PAPPA: variants seen among roughly 807,000 people sequenced by gnomAD.
PAPPA encodes pappalysin-1.
PAPPA carries 60 observed loss-of-function variants against 164.0 expected under a neutral mutation model. The ratio of observed to expected loss-of-function variants is 0.37; its 90% confidence interval spans 0.30 to 0.45. The LOEUF is 0.45. Ranked by LOEUF, PAPPA falls within the 20% of genes least tolerant of loss-of-function variation. The pLI, the probability that PAPPA is intolerant of heterozygous loss-of-function variation, is 1.00. For missense variants in PAPPA, 1,782 were observed against 2,087.3 expected (o/e 0.85, Z 2.85); for synonymous variants, 875 against 814.1 (o/e 1.07, Z -1.27).
intron 4 of PAPPA, among the ~76,000 whole-genome samples, chr9:116,212,693 C>G (rs961649000): frequency 6.6e-6 from 1 of 151,944 alleles, no homozygotes; most frequent in Non-Finnish European, 1.5e-5. Flanking sequence ...GCACAGGGGC[C>G]AGTGCTTAAT....
At chr9:116,203,716 G>C (rs763717047) in intron 2 of PAPPA, among the ~76,000 whole-genome samples, 2 of 152,196 alleles carry the variant, frequency 1.3e-5, no homozygotes, top group Non-Finnish European at 2.9e-5. Context: ...TGATGCCCCT[G>C]ACAGGTGGTC....
intron 6 of PAPPA, among the ~76,000 whole-genome samples, chr9:116,233,820 T>C (rs1193230616): frequency 6.6e-6 from 1 of 152,164 alleles, no homozygotes; most frequent in Non-Finnish European, 1.5e-5. Flanking sequence ...AAAGATCTTT[T>C]TTTTTTCTTA....
intron 10 of PAPPA, chr9:116,316,377 G>A (rs982039851): frequency 2.0e-5 from 3 of 152,244 alleles, no homozygotes; most frequent in African/African-American, 7.2e-5. Flanking sequence ...GAAGTGGCAG[G>A]TGCAGGGGTT....
intron 2 of PAPPA, among the ~76,000 whole-genome samples, chr9:116,205,005 C>T (rs1844215415): frequency 6.6e-6 from 1 of 151,722 alleles, no homozygotes; most frequent in African/African-American, 2.4e-5. Context: ...CAGCCTGGCT[C>T]TGTATTAGTG....
intron 15 of PAPPA, among the ~76,000 whole-genome samples, chr9:116,349,645 C>G (rs1425438967): frequency 6.6e-6 from 1 of 152,194 alleles, no homozygotes; most frequent in Admixed American, 6.5e-5. Flanking sequence ...GACACTGCTA[C>G]AAGTTGACAA....
intron 13 of PAPPA, among the ~76,000 whole-genome samples, chr9:116,337,319 T>G (rs1846073925): frequency 6.6e-6 from 1 of 151,978 alleles, no homozygotes; most frequent in Admixed American, 6.6e-5. Context: ...AGTGCCCCAG[T>G]GGGGAAAGGA....
In PAPPA at chr9:116,213,286, T is replaced by C. The variant is rs74889321; in HGVS notation, c.1918+1354T>C. Among the ~76,000 whole-genome samples the C allele has an allele frequency of 9.2e-3, 1,402 of 152,300 alleles. 9 individuals are homozygous for C. The highest frequency in any genetic ancestry group is 0.014 in the Admixed American group (212 of 15,300). On this transcript the variant is annotated intron_variant, in intron 4 of 21. Transcript: ENST00000328252. Reference sequence around the variant, plus strand: ...AAAGGTTTCTGTGATCCCCAGTGGTTCTTTCTGCTTGTCCATTTGGGCTGA... The same window carrying C: ...AAAGGTTTCTGTGATCCCCAGTGGTCCTTTCTGCTTGTCCATTTGGGCTGA...
intron 1 of PAPPA, among the ~76,000 whole-genome samples, chr9:116,165,366 C>G (rs1843709361): frequency 6.6e-6 from 1 of 152,184 alleles, no homozygotes; most frequent in Non-Finnish European, 1.5e-5. Context: ...CATCTTTCCT[C>G]CAAAATTCCT....
At chr9:116,194,518 A>T (rs916577298) in intron 2 of PAPPA, among the ~76,000 whole-genome samples, 1 of 152,222 alleles carries the variant, frequency 6.6e-6, no homozygotes, top group African/African-American at 2.4e-5. Context: ...GGTCTGGTGT[A>T]GTGGAAAAAT....
chr9:116,304,324 A>G (rs1007005262), intron 10 of PAPPA, among the ~76,000 whole-genome samples: 6 of 152,236 alleles, frequency 3.9e-5, no homozygotes, highest in Non-Finnish European at 8.8e-5. Flanking sequence ...ACACATACAC[A>G]TACATACATC....
At chr9:116,297,212 G>C (rs1238281526) in intron 9 of PAPPA, among the ~76,000 whole-genome samples, 1 of 152,146 alleles carries the variant, frequency 6.6e-6, no homozygotes, top group Non-Finnish European at 1.5e-5. Flanking sequence ...GGTAAGATTT[G>C]TATGTCAGGT....
intron 10 of PAPPA, among the ~76,000 whole-genome samples, chr9:116,304,054 G>A (rs553780768): frequency 3.9e-5 from 6 of 152,306 alleles, no homozygotes; most frequent in African/African-American, 9.6e-5. Flanking sequence ...CTGAATGAAT[G>A]AATGAATGAA....
chr9:116,221,188 C>T (rs1422638183), intron 5 of PAPPA, among the ~76,000 whole-genome samples: 8 of 152,016 alleles, frequency 5.3e-5, no homozygotes, highest in Non-Finnish European at 7.4e-5. Context: ...GTGATCTTTC[C>T]CCCATATAAA....
chr9:116,250,327 C>T (rs546406919), intron 7 of PAPPA, among the ~76,000 whole-genome samples: 23 of 152,218 alleles, frequency 1.5e-4, no homozygotes, highest in African/African-American at 5.5e-4. Context: ...TTCTTGTTGT[C>T]AGAGTGGGAA....
chr9:116,224,394 C>T (rs1470910116), intron 5 of PAPPA, among the ~76,000 whole-genome samples: 1 of 152,234 alleles, frequency 6.6e-6, no homozygotes, highest in African/African-American at 2.4e-5. Context: ...CATCCATTCC[C>T]TCTGCCTTTG....
chr9:116,155,340 C>A (rs1417393971), intron 1 of PAPPA, among the ~76,000 whole-genome samples: 4 of 152,230 alleles, frequency 2.6e-5, no homozygotes, highest in African/African-American at 4.8e-5. Flanking sequence ...CTCTCCCCTT[C>A]GCTGTTCCAC....
chr9:116,230,675 C>A (rs1007644658), intron 6 of PAPPA, among the ~76,000 whole-genome samples: 1 of 152,168 alleles, frequency 6.6e-6, no homozygotes, highest in Non-Finnish European at 1.5e-5. Context: ...TCATTAGCTT[C>A]ATTTCTAAGA....
rs537985603 is a variant in PAPPA at position 116,295,899 on chromosome 9, C to G, written c.2954-6858C>G. ...TAACGTATTTCCAGCACCAGCACAA[C>G]AAGAAGCAGATGTTAGTATATTGAT... On this transcript the variant is annotated intron_variant, in intron 9 of 21. Transcript: ENST00000328252. 3.1e-4 allele frequency among the ~76,000 whole-genome samples: 47 copies of G among 152,330 alleles called. No individual in the cohort carries two copies. The East Asian group carries it at 6.6e-3, about 21-fold the overall frequency.
chr9:116,187,376 A>C lies in PAPPA; in HGVS notation c.638A>C (p.Asn213Thr). 6.2e-7 allele frequency: 1 copy of C among 1,614,110 alleles called. No individual in the cohort carries two copies. Among genetic ancestry groups the C allele is most frequent in the Non-Finnish European group, 8.5e-7 (1 of 1,180,014 alleles). Residue 213 changes from asparagine (N) to threonine (T), a missense_variant, in exon 2 of 22, where the codon AAT becomes ACT. Around this residue, in one of 2 missense-constraint regions of PAPPA, gnomAD observed 458 missense variants for 430.3 expected, o/e 1.06. Transcript: ENST00000328252. This position sits in a 1 kb window ranked among gnomAD's most constrained non-coding sequence, Gnocchi z 4.2. ...YDGQFMKLYV[N>T]GAQVATSGEQ... The stretch of plus-strand genomic sequence containing the variant: ...GGGCAGTTCATGAAGCTCTATGTGA[A>C]TGGTGCCCAGGTGGCCACCTCTGGG...
Sources: gnomAD v4.1 joint callset for allele counts (sites outside exome capture counted in the v4.1 genomes callset) on GRCh38, gnomAD v4.1.1 for gene constraint, gnomAD v4.1.1 regional missense constraint, Gnocchi (gnomAD v3.1) non-coding constraint, MANE v1.5 for transcripts, NCBI Gene and HGNC (gene_info 2026-07-23, HGNC 2026-07-21) for gene names.